The following VDAC1 variants were observed in gnomAD, a reference collection of about 807,000 sequenced individuals.
The protein encoded by VDAC1 is voltage dependent anion channel 1.
A neutral mutation model predicts 34.7 loss-of-function variants in VDAC1; 10 were observed. The ratio of observed to expected loss-of-function variants is 0.29; its 90% CI spans 0.18 to 0.49. VDAC1 has a LOEUF of 0.49. Ranked by LOEUF, VDAC1 falls within the 20% of genes least tolerant of loss-of-function variation. The pLI, the probability that VDAC1 is intolerant of heterozygous loss-of-function variation, is 0.99. For missense variants in VDAC1, 230 were observed against 347.9 expected, an observed-to-expected ratio of 0.66 and a Z score of 2.69; for synonymous variants, 130 against 136.0, an observed-to-expected ratio of 0.96 and a Z score of 0.30.
chr5:134,024,289 G>A, the VDAC1 span, among the ~76,000 whole-genome samples: 3 of 151,974 alleles, frequency 2.0e-5, no homozygotes, highest in African/African-American at 7.2e-5. Context: ...AGCATTTTGG[G>A]AGGCCGAGGA....
chr5:134,021,876 AT>A, the VDAC1 span, among the ~76,000 whole-genome samples: 112 of 133,192 alleles, frequency 8.4e-4, no homozygotes, highest in African/African-American at 1.6e-3. Flanking sequence ...AAAGCCTGTG[AT>A]TTTTTTTTTT....
At chr5:133,990,178 G>A (rs1753050469) in intron 5 of VDAC1, among the ~76,000 whole-genome samples, 2 of 152,224 alleles carry the variant, frequency 1.3e-5, no homozygotes, top group Admixed American at 6.5e-5. Flanking sequence ...GAACTAACAA[G>A]CCTATTACAT....
chr5:133,983,680 C>T (rs1195349669), intron 5 of VDAC1, among the ~76,000 whole-genome samples: 2 of 152,184 alleles, frequency 1.3e-5, no homozygotes, highest in African/African-American at 4.8e-5. Flanking sequence ...AAGAGTGACA[C>T]CGTCTTGAAA....
At chr5:134,004,523 C>G (rs988515715) in intron 1 of VDAC1, 5 of 153,280 alleles carry the variant, frequency 3.3e-5, no homozygotes, top group Non-Finnish European at 7.2e-5. Context: ...GATCCCTCCC[C>G]GCGGCCGGGC....
chr5:134,023,547 T>C, the VDAC1 span, among the ~76,000 whole-genome samples: 1 of 151,458 alleles, frequency 6.6e-6, no homozygotes, highest in South Asian at 2.1e-4. Flanking sequence ...AAATATGTAA[T>C]TATGGATTTT....
chr5:133,977,624 G>C (rs187378157), intron 6 of VDAC1, among the ~76,000 whole-genome samples: 2 of 152,182 alleles, frequency 1.3e-5, no homozygotes, highest in African/African-American at 4.8e-5. Context: ...GTCCTCTGTC[G>C]GGCTGGGGTC....
At chr5:134,075,220 ATTTGCACTG>A in the VDAC1 span, among the ~76,000 whole-genome samples, 1 of 152,132 alleles carries the variant, frequency 6.6e-6, no homozygotes, top group African/African-American at 2.4e-5. Context: ...TCACACTTCT[ATTTGCACTG>A]TTTGCACACT....
intron 1 of VDAC1, among the ~76,000 whole-genome samples, chr5:134,001,734 A>AAG (rs1214599291): frequency 2.8e-4 from 42 of 149,038 alleles, no homozygotes; most frequent in Middle Eastern, 3.5e-3. Context: ...AAAAAAAAAA[A>AAG]AGAGAGAGAG....
the VDAC1 span, among the ~76,000 whole-genome samples, chr5:134,048,039 A>G: frequency 6.6e-6 from 1 of 151,230 alleles, no homozygotes; most frequent in Non-Finnish European, 1.5e-5. Context: ...GAAAAAAGCT[A>G]GTTCTGCAAG....
the VDAC1 span, among the ~76,000 whole-genome samples, chr5:134,060,903 G>T: frequency 1.7e-4 from 2 of 11,894 alleles, no homozygotes; most frequent in Non-Finnish European, 1.4e-4. Flanking sequence ...TTTGAGACAG[G>T]GTCTCACCCT....
chr5:134,064,258 G>C, the VDAC1 span, among the ~76,000 whole-genome samples: 1 of 151,998 alleles, frequency 6.6e-6, no homozygotes, highest in African/African-American at 2.4e-5. Context: ...TGAGATTACA[G>C]GCGTGAGCCA....
the VDAC1 span, among the ~76,000 whole-genome samples, chr5:134,069,182 GC>G: frequency 6.6e-6 from 1 of 152,070 alleles, no homozygotes; most frequent in Non-Finnish European, 1.5e-5. Context: ...GTAATAATCT[GC>G]CAAATTAGAA....
intron 5 of VDAC1, among the ~76,000 whole-genome samples, chr5:133,989,605 C>T (rs1753026233): frequency 6.6e-6 from 1 of 152,072 alleles, no homozygotes; most frequent in South Asian, 2.1e-4. Flanking sequence ...AGCAATCCAC[C>T]CACCTCAGCC....
chr5:134,053,253 T>C, the VDAC1 span, among the ~76,000 whole-genome samples: 5 of 152,050 alleles, frequency 3.3e-5, no homozygotes, highest in African/African-American at 4.8e-5. Flanking sequence ...ATGAGGAAAA[T>C]GAAGCATGGA....
chr5:133,987,383 A>T (rs946113340), intron 5 of VDAC1, among the ~76,000 whole-genome samples: 3 of 150,758 alleles, frequency 2.0e-5, no homozygotes, highest in African/African-American at 7.3e-5. Context: ...AAGAAAAGAA[A>T]ATCACCATTT....
chr5:134,019,539 C>T, the VDAC1 span, among the ~76,000 whole-genome samples: 1 of 152,116 alleles, frequency 6.6e-6, no homozygotes, highest in African/African-American at 2.4e-5. Context: ...ATGATCGTAC[C>T]ACTGTGATGC....
At chr5:134,001,048 C>A (rs1753533002) in intron 1 of VDAC1, among the ~76,000 whole-genome samples, 1 of 152,202 alleles carries the variant, frequency 6.6e-6, no homozygotes, top group African/African-American at 2.4e-5. Flanking sequence ...TGCCAGTTGG[C>A]CCGCACACAG....
At chr5:133,999,703 A>G (rs891336019) in intron 1 of VDAC1, among the ~76,000 whole-genome samples, 1 of 152,100 alleles carries the variant, frequency 6.6e-6, no homozygotes, top group Non-Finnish European at 1.5e-5. Flanking sequence ...CAGGGTGTTA[A>G]CAGACCAGAC....
intron 5 of VDAC1, 50 bp downstream of exon 5, chr5:133,990,805 C>T: frequency 1.3e-6 from 2 of 1,511,442 alleles, no homozygotes; most frequent in Non-Finnish European, 1.8e-6. Context: ...GCTTCCACCA[C>T]CTGCAACATC....
Sources: gnomAD v4.1 joint callset for allele counts (sites outside exome capture counted in the v4.1 genomes callset) on GRCh38, gnomAD v4.1.1 for gene constraint, MANE v1.5 for transcripts, NCBI Gene and HGNC (gene_info 2026-07-23, HGNC 2026-07-21) for gene names.